ITGA8: variants seen among roughly 807,000 people sequenced by gnomAD.
ITGA8 encodes integrin subunit alpha 8, also known as integrin alpha-8.
In ITGA8, 91 loss-of-function variants were observed where a neutral mutation model predicts 142.3. The observed-to-expected ratio is 0.64, with a 90% CI of 0.54 to 0.76. The LOEUF (loss-of-function observed/expected upper bound fraction) is 0.76, where lower values mean the gene tolerates loss of function less well. ITGA8 is among the 30% of genes least tolerant of loss of function. The probability of loss-of-function intolerance (pLI) is 0.00; values close to 1 mark genes in which losing one functional copy is unlikely to be tolerated. For synonymous variants in ITGA8, 505 were observed against 485.2 expected (o/e 1.04, Z -0.54); for missense variants, 1,406 against 1,327.7 (o/e 1.06, Z -0.92).
At chr10:15,669,941 G>T (rs1026955221) in intron 8 of ITGA8, among the ~76,000 whole-genome samples, 1 of 152,194 alleles carries the variant, frequency 6.6e-6, no homozygotes, top group Non-Finnish European at 1.5e-5. Context: ...GTCCTTCCCA[G>T]TTAGGCTACT....
At chr10:15,544,754 T>G (rs911485805) in intron 27 of ITGA8, among the ~76,000 whole-genome samples, 3 of 152,152 alleles carry the variant, frequency 2.0e-5, no homozygotes, top group African/African-American at 4.8e-5. Flanking sequence ...ATGACTGATA[T>G]GTGCAAATGA....
At chr10:15,545,690 T>A (rs1006172169) in intron 27 of ITGA8, among the ~76,000 whole-genome samples, 1 of 152,186 alleles carries the variant, frequency 6.6e-6, no homozygotes, top group Non-Finnish European at 1.5e-5. Context: ...GCCTGTTTTT[T>A]TTTTTAGCTT....
chr10:15,689,516 C>T (rs148102295), intron 2 of ITGA8, among the ~76,000 whole-genome samples: 9 of 152,266 alleles, frequency 5.9e-5, no homozygotes, highest in South Asian at 2.1e-4. Context: ...GTCTTTGCTT[C>T]GGGAGAATTC....
At chr10:15,573,561 G>A (rs1834227591) in intron 24 of ITGA8, among the ~76,000 whole-genome samples, 1 of 152,170 alleles carries the variant, frequency 6.6e-6, no homozygotes, top group African/African-American at 2.4e-5. Context: ...TTGGGCGGAT[G>A]ATGGAGGGTT....
chr10:15,544,401 C>T (rs143710434), intron 27 of ITGA8, among the ~76,000 whole-genome samples: 87 of 152,298 alleles, frequency 5.7e-4, no homozygotes, highest in Non-Finnish European at 8.2e-4. Flanking sequence ...CTCAGAGCCT[C>T]CAGGAGGAAC....
chr10:15,597,866 C>T (rs1370004348), intron 20 of ITGA8, among the ~76,000 whole-genome samples: 1 of 152,108 alleles, frequency 6.6e-6, no homozygotes, highest in African/African-American at 2.4e-5. Flanking sequence ...CCTTTCCTTC[C>T]CTTATATCCT....
rs9333119 is a variant in ITGA8 at position 15,659,938 on chromosome 10, CTTCTGGCTGCCAGAACTGTG to C, written c.892-903_892-884del. Among the ~76,000 whole-genome samples the C allele has an allele frequency of 5.9e-3, 905 of 152,276 alleles. 6 individuals carry two copies. Among genetic ancestry groups the C allele is most frequent in the African/African-American group, 0.021 (873 of 41,552 alleles). ...GTCCTGCCCACAATTTGATGTCAGA[CTTCTGGCTGCCAGAACTGTG>C]AGTGAATAAATTTATGTTGTTTGAA... is the stretch of plus-strand genomic sequence containing the variant. On this transcript the variant is annotated intron_variant, in intron 9 of 29. Transcript: ENST00000378076.
At chr10:15,685,979 G>T (rs1834827457) in intron 3 of ITGA8, among the ~76,000 whole-genome samples, 2 of 152,130 alleles carry the variant, frequency 1.3e-5, no homozygotes, top group East Asian at 1.9e-4. Context: ...AGCTTGGTTT[G>T]GACTTCTGTT....
chr10:15,657,848 A>G (rs1295057530), intron 10 of ITGA8, among the ~76,000 whole-genome samples: 1 of 152,156 alleles, frequency 6.6e-6, no homozygotes, highest in Non-Finnish European at 1.5e-5. Flanking sequence ...TAAGTTACAA[A>G]CACAAGGAAT....
At chr10:15,564,160 T>A (rs928776045) in intron 25 of ITGA8, among the ~76,000 whole-genome samples, 41 of 152,144 alleles carry the variant, frequency 2.7e-4, no homozygotes, top group African/African-American at 8.9e-4. Flanking sequence ...GTTTTACAAA[T>A]AGAGGAATGC....
At position 15,643,969 on chromosome 10, in the gene ITGA8, C is replaced by T. The variant is rs532321198; in HGVS notation, c.1399+61G>A. The T allele has an allele frequency of 3.4e-6, 5 of 1,479,590 alleles. No homozygotes were observed. The Admixed American group carries it at 8.3e-5, about 25-fold the overall frequency. The allele number at this position is 1,479,590 out of a possible 1,614,324, so 91.7% of individuals were successfully genotyped here. On this transcript the variant is annotated intron_variant, in intron 13 of 29. Coordinates refer to ENST00000378076, the MANE Select transcript of ITGA8 (RefSeq NM_003638.3). Reference sequence around the variant, plus strand: ...AACTGCCTTTGCATGATGCATTTTTCAGAAAATGGACTCTATTTCAGGACG... The same window carrying T: ...AACTGCCTTTGCATGATGCATTTTTTAGAAAATGGACTCTATTTCAGGACG...
rs1004359159 is a variant in ITGA8, at chr10:15,516,572, T to A, written c.*586A>T. ...CCTAGAGACATGGAAAATAAATAAA[T>A]AAACTCTCACCCTCACTCACAAGAT... On this transcript the variant is annotated 3_prime_UTR_variant, in exon 30 of 30. Coordinates refer to ENST00000378076, the MANE Select transcript of ITGA8 (RefSeq NM_003638.3). The A allele has an allele frequency of 1.3e-5, 2 of 152,200 alleles. No individual in the cohort carries two copies. Among genetic ancestry groups the A allele is most frequent in the African/African-American group, 4.8e-5 (2 of 41,460 alleles). The allele number at this position is 152,200 out of a possible 1,614,324, so 9.4% of individuals were successfully genotyped here.
rs555607829 is a variant in ITGA8 at position 15,647,551 on chromosome 10, T to C, written c.1002-500A>G. On this transcript the variant is annotated intron_variant, in intron 11 of 29. Transcript: ENST00000378076. ...AATCTCGGCTCACTGCAAGCTCCGC[T>C]TCCCGGGTTCACGCCATTCTCCTGC... Among the ~76,000 whole-genome samples the C allele has an allele frequency of 6.2e-4, 91 of 145,690 alleles. No homozygotes were observed. The East Asian group carries it at 0.013, about 20-fold the overall frequency.
intron 6 of ITGA8, among the ~76,000 whole-genome samples, chr10:15,675,578 C>G (rs140478810): frequency 1.2e-4 from 19 of 152,286 alleles, no homozygotes; most frequent in African/African-American, 4.3e-4. Flanking sequence ...TTGTAACAAC[C>G]TTGTAACTAC....
rs1832978421 is a variant in ITGA8, at chr10:15,517,181, T to C, written c.3169A>G (p.Asn1057Asp). The C allele has an allele frequency of 6.2e-7, 1 of 1,613,424 alleles. No homozygotes were observed. The highest frequency in any genetic ancestry group is 8.5e-7 in the Non-Finnish European group (1 of 1,179,594). The change falls in exon 30 of 30, where the codon AAT becomes GAT. Residue 1057 changes from asparagine (N) to aspartate (D), a missense_variant. Transcript: ENST00000378076. Reference protein sequence around the residue: ...EDMTDREQLTNDKTPEA With the variant: ...EDMTDREQLTDDKTPEA ...TGTCATGCCTCAGGGGTCTTGTCAT[T>C]TGTCAGCTGTTCCCTGTCGGTCATG...
chr10:15,646,929 T>TG lies in ITGA8; in HGVS notation c.1123dup (p.Gln375ProfsTer14), dbSNP rs1358182981. On this transcript the variant is annotated frameshift_variant, in exon 12 of 30. Transcript: ENST00000378076. LOFTEE classifies it high-confidence loss of function. ...AAACGTCTCGGTGCCAGTGAGGATC[T>TG]GGGGGTCTCTGAAGAGGAGAGAGCT... 1.9e-6 allele frequency: 3 copies of TG among 1,614,106 alleles called. No individual in the cohort carries two copies. The highest frequency in any genetic ancestry group is 2.2e-5 in the East Asian group (1 of 44,888).
intron 2 of ITGA8, among the ~76,000 whole-genome samples, chr10:15,701,877 A>C (rs182182525): frequency 3.9e-5 from 6 of 152,162 alleles, no homozygotes; most frequent in Admixed American, 2.0e-4. Flanking sequence ...TTTGTTTATA[A>C]TCTTTATCAT....
At chr10:15,538,323 G>A (rs1833492689) in intron 27 of ITGA8, among the ~76,000 whole-genome samples, 1 of 152,058 alleles carries the variant, frequency 6.6e-6, no homozygotes, top group Non-Finnish European at 1.5e-5. Flanking sequence ...GACCAGCCTG[G>A]CCAACATGGT....
chr10:15,560,239 A>G (rs1833950365), intron 25 of ITGA8, among the ~76,000 whole-genome samples: 1 of 152,160 alleles, frequency 6.6e-6, no homozygotes, highest in African/African-American at 2.4e-5. Context: ...CGATCATGCC[A>G]CTGAATTCTC....
Sources: allele counts gnomAD v4.1 joint callset (sites outside exome capture counted in the v4.1 genomes callset), GRCh38; gene constraint gnomAD v4.1.1; transcripts MANE v1.5; gene names NCBI Gene and HGNC (gene_info 2026-07-23, HGNC 2026-07-21).